RHOU: variants seen among roughly 807,000 people sequenced by gnomAD.
RHOU encodes ras homolog family member U.
A neutral mutation model predicts 12.6 loss-of-function variants in RHOU; 8 were observed. The ratio of observed to expected loss-of-function variants is 0.64; its 90% confidence interval spans 0.37 to 1.15. RHOU has a LOEUF of 1.15. RHOU is among the 50% of genes most tolerant of loss of function. The probability of loss-of-function intolerance (pLI) is 0.01; values close to 1 mark genes in which losing one functional copy is unlikely to be tolerated. For synonymous variants in RHOU, 161 were observed against 147.4 expected, an observed-to-expected ratio of 1.09 and a Z score of -0.67; for missense variants, 258 against 347.0, an observed-to-expected ratio of 0.74 and a Z score of 2.04.
the RHOU span, among the ~76,000 whole-genome samples, chr1:228,681,515 G>A: frequency 1.2e-4 from 19 of 152,198 alleles, no homozygotes; most frequent in African/African-American, 2.6e-4. Context: ...GGGATGAGTC[G>A]CATTGGGAAC....
chr1:228,671,015 G>GT, the RHOU span, among the ~76,000 whole-genome samples: 1 of 151,958 alleles, frequency 6.6e-6, no homozygotes, highest in Non-Finnish European at 1.5e-5. Flanking sequence ...TGTTGTTGTT[G>GT]TTTTTTCAGA....
At chr1:228,722,825 G>A in the RHOU span, among the ~76,000 whole-genome samples, 2 of 152,048 alleles carry the variant, frequency 1.3e-5, no homozygotes, top group Non-Finnish European at 2.9e-5. Flanking sequence ...GTTTCACCAC[G>A]TTGGCCAGGA....
At chr1:228,726,829 G>A in the RHOU span, among the ~76,000 whole-genome samples, 1 of 152,174 alleles carries the variant, frequency 6.6e-6, no homozygotes, top group African/African-American at 2.4e-5. Flanking sequence ...AATCAATGTG[G>A]TTATAATTTG....
the RHOU span, among the ~76,000 whole-genome samples, chr1:228,681,566 G>A: frequency 6.0e-4 from 92 of 152,216 alleles, no homozygotes; most frequent in African/African-American, 2.1e-3. Context: ...ATGCCTGGAC[G>A]TAAGGCACCT....
the RHOU span, among the ~76,000 whole-genome samples, chr1:228,712,209 G>T: frequency 8.0e-4 from 122 of 151,826 alleles, no homozygotes; most frequent in African/African-American, 2.9e-3. Context: ...TACACTGTTG[G>T]TGGGACTGTA....
chr1:228,695,989 A>G, the RHOU span, among the ~76,000 whole-genome samples: 3 of 152,226 alleles, frequency 2.0e-5, no homozygotes, highest in African/African-American at 7.2e-5. Flanking sequence ...GCATAAAAAG[A>G]CACATCACTT....
the RHOU span, among the ~76,000 whole-genome samples, chr1:228,727,815 A>C: frequency 6.6e-6 from 1 of 152,152 alleles, no homozygotes; most frequent in Non-Finnish European, 1.5e-5. Flanking sequence ...TTACATGGCT[A>C]GTTCTTATCT....
chr1:228,683,986 G>A, the RHOU span, among the ~76,000 whole-genome samples: 1 of 152,346 alleles, frequency 6.6e-6, no homozygotes, highest in East Asian at 1.9e-4. Flanking sequence ...CTGTGGACTT[G>A]GAGATCATAG....
chr1:228,737,923 A>G lies in RHOU; in HGVS notation c.321+192A>G, dbSNP rs1571889105. On this transcript the variant is annotated intron_variant, in intron 2 of 2. Transcript: ENST00000366691. The surrounding 1 kb of genome is among the most constrained non-coding windows in gnomAD (Gnocchi z 4.1). ...TGGCCGGCAGGAAGCAGAGGAAGATACCTCCAAACTAATAAAGCAGGGTTT... is the reference window on the plus strand; with the variant it reads ...TGGCCGGCAGGAAGCAGAGGAAGATGCCTCCAAACTAATAAAGCAGGGTTT... Among the ~76,000 whole-genome samples the G allele has an allele frequency of 6.6e-6, 1 of 152,106 alleles. No homozygotes were observed.
chr1:228,664,421 A>G, the RHOU span, among the ~76,000 whole-genome samples: 4 of 152,158 alleles, frequency 2.6e-5, no homozygotes, highest in South Asian at 2.1e-4. Flanking sequence ...TAGCGAATCA[A>G]CAAATCATGT....
At chr1:228,671,080 C>T in the RHOU span, among the ~76,000 whole-genome samples, 1 of 152,208 alleles carries the variant, frequency 6.6e-6, no homozygotes, top group Non-Finnish European at 1.5e-5. Flanking sequence ...TCTTGGCTCA[C>T]TGCAACCTCC....
the RHOU span, among the ~76,000 whole-genome samples, chr1:228,663,615 CT>C: frequency 1.2e-5 from 1 of 86,708 alleles, no homozygotes; most frequent in Non-Finnish European, 2.2e-5. Flanking sequence ...CTTTTCTTTT[CT>C]TTTCTTTTCT....
the RHOU span, among the ~76,000 whole-genome samples, chr1:228,684,255 T>C: frequency 6.6e-6 from 1 of 152,156 alleles, no homozygotes; most frequent in African/African-American, 2.4e-5. Context: ...CAGGCTGGTC[T>C]TGAACTGCTG....
At chr1:228,710,733 C>A in the RHOU span, among the ~76,000 whole-genome samples, 1 of 150,522 alleles carries the variant, frequency 6.6e-6, no homozygotes, top group Non-Finnish European at 1.5e-5. Context: ...TGGAAGCATT[C>A]CCTTTGAAAA....
In RHOU at chr1:228,735,766, C is replaced by T. The variant is rs552847913; in HGVS notation, c.24C>T (p.Pro8=). Residue 8 remains proline, a synonymous_variant, in exon 1 of 3, where the codon CCC becomes CCT. Transcript: ENST00000366691. This position sits in a 1 kb window ranked among gnomAD's most constrained non-coding sequence, Gnocchi z 8.1. The part of the protein sequence containing the change: MPPQQGD[P]AFPDRCEAPP... Reference sequence around the variant, plus strand: ...CGATGCCCCCGCAGCAGGGGGACCCCGCGTTCCCCGACCGCTGCGAGGCGC... The same window carrying T: ...CGATGCCCCCGCAGCAGGGGGACCCTGCGTTCCCCGACCGCTGCGAGGCGC... 424 of 1,210,372 alleles carry T rather than the reference C, an allele frequency of 3.5e-4. No homozygotes were observed. In the African/African-American group the frequency reaches 6.2e-3, roughly 18 times the overall value. 75.0% of individuals were successfully genotyped at this position (1,210,372 alleles called of 1,614,324 possible).
chr1:228,731,885 C>T (rs564520698), upstream of RHOU, among the ~76,000 whole-genome samples: 3 of 151,984 alleles, frequency 2.0e-5, no homozygotes, highest in Non-Finnish European at 4.4e-5. Flanking sequence ...TTTCTAGGCC[C>T]ACTGCACAAT....
At chr1:228,663,069 T>A in the RHOU span, among the ~76,000 whole-genome samples, 1 of 152,188 alleles carries the variant, frequency 6.6e-6, no homozygotes, top group Admixed American at 6.5e-5. Context: ...TTGTGAACAA[T>A]TGAGAAAAAT....
At chr1:228,724,417 T>C in the RHOU span, among the ~76,000 whole-genome samples, 1 of 152,346 alleles carries the variant, frequency 6.6e-6, no homozygotes, top group African/African-American at 2.4e-5. Flanking sequence ...ATGACATGAT[T>C]ACCACAATCA....
the RHOU span, among the ~76,000 whole-genome samples, chr1:228,680,546 G>T: frequency 3.3e-5 from 5 of 152,138 alleles, no homozygotes; most frequent in Non-Finnish European, 7.4e-5. Flanking sequence ...TTGCTGTCTG[G>T]CCACCTCCTC....
Sources: gnomAD v4.1 joint callset for allele counts (sites outside exome capture counted in the v4.1 genomes callset) on GRCh38, gnomAD v4.1.1 for gene constraint, Gnocchi (gnomAD v3.1) non-coding constraint, MANE v1.5 for transcripts, NCBI Gene and HGNC (gene_info 2026-07-23, HGNC 2026-07-21) for gene names.